Variants in COP1 observed in about 807,000 individuals in gnomAD.
COP1 encodes the protein COP1 E3 ubiquitin ligase.
In COP1, 24 loss-of-function variants were observed where a neutral mutation model predicts 101.3. That is an observed-to-expected ratio of 0.24 (90% CI 0.17 to 0.33). COP1 has a LOEUF of 0.33. Ranked by LOEUF, COP1 falls within the 10% of genes least tolerant of loss-of-function variation. COP1 has a pLI of 1.00. For synonymous variants in COP1, 347 were observed against 341.9 expected, an observed-to-expected ratio of 1.01 and a Z score of -0.17; for missense variants, 663 against 906.2, an observed-to-expected ratio of 0.73 and a Z score of 3.45.
intron 15 of COP1, among the ~76,000 whole-genome samples, chr1:176,008,078 C>T (rs1001167685): frequency 4.6e-5 from 7 of 152,210 alleles, no homozygotes; most frequent in Non-Finnish European, 8.8e-5. Context: ...CGGAAAAGCG[C>T]AGTATTTGGG....
chr1:176,178,490 C>CA (rs762450773), intron 2 of COP1, among the ~76,000 whole-genome samples: 7 of 151,574 alleles, frequency 4.6e-5, no homozygotes, highest in East Asian at 1.9e-4. Context: ...GACTCTGTCT[C>CA]AAAAAAACAA....
rs1224702558 is a variant in COP1, at chr1:175,944,884, T to C, written c.*269A>G. ...TTATTTATTTTTATTCAAAAGAATT[T>C]GTTTCCCTATCACAAAAATTAGATA... On this transcript the variant is annotated 3_prime_UTR_variant, in exon 20 of 20. Transcript: ENST00000367669. The C allele has an allele frequency of 4.8e-6, 2 of 415,962 alleles. No individual in the cohort carries two copies. The highest frequency in any genetic ancestry group is 4.3e-6 in the Non-Finnish European group (1 of 230,742). The allele number at this position is 415,962 out of a possible 1,614,324, so 25.8% of individuals were successfully genotyped here.
At chr1:176,095,424 T>C (rs1462605757) in intron 9 of COP1, among the ~76,000 whole-genome samples, 1 of 152,206 alleles carries the variant, frequency 6.6e-6, no homozygotes, top group East Asian at 1.9e-4. Context: ...GGCTCACGCC[T>C]GTAATCCCAG....
intron 8 of COP1, among the ~76,000 whole-genome samples, chr1:176,125,356 A>G (rs1246798619): frequency 2.0e-5 from 3 of 152,132 alleles, no homozygotes; most frequent in Non-Finnish European, 2.9e-5. Flanking sequence ...GTTTTCTTGT[A>G]GTAGTTTCAC....
At chr1:176,165,747 G>C (rs1186187550) in intron 3 of COP1, among the ~76,000 whole-genome samples, 8 of 152,104 alleles carry the variant, frequency 5.3e-5, no homozygotes, top group Non-Finnish European at 1.0e-4. Context: ...ACAAGGGTCA[G>C]AGTGATCTTG....
chr1:176,100,957 G>C (rs1683295487), intron 9 of COP1, among the ~76,000 whole-genome samples: 1 of 152,132 alleles, frequency 6.6e-6, no homozygotes, highest in African/African-American at 2.4e-5. Flanking sequence ...TCCAGAGGCA[G>C]ATGATAACAG....
chr1:176,192,742 G>T (rs1445014651), intron 1 of COP1, among the ~76,000 whole-genome samples: 1 of 152,036 alleles, frequency 6.6e-6, no homozygotes, highest in Non-Finnish European at 1.5e-5. Flanking sequence ...TACAGTATAA[G>T]AAAATATGAA....
intron 16 of COP1, 41 bp downstream of exon 16, chr1:175,989,321 G>T: frequency 1.0e-6 from 1 of 998,076 alleles, no homozygotes; most frequent in Non-Finnish European, 1.6e-6. Flanking sequence ...TAAGTACAGA[G>T]CTCTGTATTA....
chr1:175,993,975 T>C (rs1219611483), intron 15 of COP1, among the ~76,000 whole-genome samples: 3 of 151,742 alleles, frequency 2.0e-5, no homozygotes, highest in African/African-American at 7.3e-5. Context: ...AAGGAAAAAA[T>C]GTTAAGGGCA....
chr1:176,194,740 T>A (rs1699475961), intron 1 of COP1, among the ~76,000 whole-genome samples: 1 of 151,810 alleles, frequency 6.6e-6, no homozygotes. Flanking sequence ...AACACGTACA[T>A]AATAGACATG....
chr1:176,030,458 C>T (rs781364104), intron 14 of COP1, among the ~76,000 whole-genome samples: 4 of 152,008 alleles, frequency 2.6e-5, no homozygotes, highest in Non-Finnish European at 4.4e-5. Flanking sequence ...CATTATGTAT[C>T]GTTGTTTAAC....
At chr1:176,073,492 T>C (rs1677378133) in intron 11 of COP1, among the ~76,000 whole-genome samples, 1 of 152,222 alleles carries the variant, frequency 6.6e-6, no homozygotes, top group Non-Finnish European at 1.5e-5. Context: ...GTTTAAACTA[T>C]ACAGTTTCAA....
intron 6 of COP1, among the ~76,000 whole-genome samples, chr1:176,137,235 C>T (rs1689948489): frequency 6.6e-6 from 1 of 152,166 alleles, no homozygotes. Flanking sequence ...AAAATGCAAA[C>T]ATTGTAACTG....
At chr1:176,006,727 C>T (rs1354724097) in intron 15 of COP1, among the ~76,000 whole-genome samples, 1 of 152,196 alleles carries the variant, frequency 6.6e-6, no homozygotes, top group African/African-American at 2.4e-5. Context: ...CGCTGTTAGT[C>T]TGATGGTCTT....
At chr1:175,980,280 A>ACTGT (rs1655519682) in intron 18 of COP1, among the ~76,000 whole-genome samples, 2 of 151,874 alleles carry the variant, frequency 1.3e-5, no homozygotes, top group African/African-American at 2.4e-5. Flanking sequence ...GAACACAAAT[A>ACTGT]CAATACAAGA....
chr1:176,120,867 T>C (rs1687003867), intron 8 of COP1, among the ~76,000 whole-genome samples: 1 of 152,146 alleles, frequency 6.6e-6, no homozygotes, highest in Non-Finnish European at 1.5e-5. Flanking sequence ...AAATTTAAAT[T>C]ATTAGTGGAT....
At chr1:176,058,331 G>T (rs1220789506) in intron 11 of COP1, among the ~76,000 whole-genome samples, 1 of 152,188 alleles carries the variant, frequency 6.6e-6, no homozygotes, top group Non-Finnish European at 1.5e-5. Flanking sequence ...AGAAAAGGGG[G>T]AAAGGTGGGG....
chr1:175,974,420 T>C (rs1414517016), intron 18 of COP1, among the ~76,000 whole-genome samples: 2 of 152,208 alleles, frequency 1.3e-5, no homozygotes, highest in Non-Finnish European at 2.9e-5. Context: ...ATAGACTACA[T>C]TGTTTGAATT....
intron 15 of COP1, among the ~76,000 whole-genome samples, chr1:176,017,114 G>A (rs1425314248): frequency 6.6e-6 from 1 of 152,064 alleles, no homozygotes; most frequent in Non-Finnish European, 1.5e-5. Context: ...AATAGATAAA[G>A]GAATATCTTA....
Sources: gnomAD v4.1 joint callset for allele counts (sites outside exome capture counted in the v4.1 genomes callset) on GRCh38, gnomAD v4.1.1 for gene constraint, MANE v1.5 for transcripts, NCBI Gene and HGNC (gene_info 2026-07-23, HGNC 2026-07-21) for gene names.